EPS8: variants seen among roughly 807,000 people sequenced by gnomAD.
EPS8 encodes the protein EGFR pathway substrate 8, signaling adaptor, also known as epidermal growth factor receptor kinase substrate 8.
A neutral mutation model predicts 103.8 loss-of-function variants in EPS8; 42 were observed. The observed-to-expected ratio is 0.40, with a 90% CI of 0.32 to 0.52. EPS8 has a LOEUF of 0.52. Among genes scored for constraint, EPS8 ranks in the 20% least tolerant of loss-of-function variants. The pLI is 0.40. For synonymous variants in EPS8, 344 were observed against 344.6 expected (o/e 1.00, Z 0.02); for missense variants, 969 against 1,005.1 (o/e 0.96, Z 0.49).
chr12:15,694,920 A>C (rs1946223091), intron 1 of EPS8, among the ~76,000 whole-genome samples: 1 of 152,188 alleles, frequency 6.6e-6, no homozygotes, highest in African/African-American at 2.4e-5. Context: ...CATAACCATG[A>C]AATCACCCAC....
Position 15,767,989 on chromosome 12 carries a change from T to C in EPS8, c.-22+21172A>G, listed in dbSNP as rs184069413. On this transcript the variant is annotated intron_variant, in intron 1 of 20. Transcript: ENST00000281172. The surrounding 1 kb of genome is among the most constrained non-coding windows in gnomAD (Gnocchi z 5.5). ...TTACCTTAGAAACTGGAATTATGCT[T>C]TTCTTCCATTGCAGTTAAGAATTAA... is the stretch of plus-strand genomic sequence containing the variant. Among the ~76,000 whole-genome samples, 1 of 152,354 alleles carries C rather than the reference T, an allele frequency of 6.6e-6. No homozygotes were observed. The highest frequency in any genetic ancestry group is 1.9e-4 in the East Asian group (1 of 5,192).
chr12:15,672,443 C>T, intron 3 of EPS8: 1 of 398,424 alleles, frequency 2.5e-6, no homozygotes, highest in Non-Finnish European at 4.4e-6. Context: ...ACAAAATTCA[C>T]TCTGTGCTAC....
In EPS8 at chr12:15,764,237, C is replaced by T. The variant is rs192336530; in HGVS notation, c.-22+24924G>A. The stretch of plus-strand genomic sequence containing the variant: ...ATTCACTGTCACAAGAACAGCACCA[C>T]GGGAAAGACCCACCCCCATGATTCA... On this transcript the variant is annotated intron_variant, in intron 1 of 20. Transcript: ENST00000281172. This position sits in a 1 kb window ranked among gnomAD's most constrained non-coding sequence, Gnocchi z 4.1. 1.4e-4 allele frequency among the ~76,000 whole-genome samples: 21 copies of T among 152,288 alleles called. No homozygotes were observed. The highest frequency in any genetic ancestry group is 3.4e-3 in the Middle Eastern group (1 of 294).
Position 15,624,426 on chromosome 12 carries a change from T to C in EPS8, c.2045-19A>G. 1.3e-6 allele frequency: 2 copies of C among 1,523,982 alleles called. No homozygotes were observed. Among genetic ancestry groups the C allele is most frequent in the Non-Finnish European group, 1.8e-6 (2 of 1,134,410 alleles). The allele number at this position is 1,523,982 out of a possible 1,614,324, so 94.4% of individuals were successfully genotyped here. ...TTCCTTCCTAGACACCAACAGGGAG[T>C]AGGTTCTTTTTGAAAATCCCTAATA... On this transcript the variant is annotated intron_variant, in intron 18 of 20. Coordinates refer to ENST00000281172, the MANE Select transcript of EPS8 (RefSeq NM_004447.6).
chr12:15,681,158 G>T, intron 3 of EPS8, 68 bp downstream of exon 3: 1 of 752,654 alleles, frequency 1.3e-6, no homozygotes, highest in Non-Finnish European at 2.2e-6. Flanking sequence ...CAAACCATGA[G>T]TTTGAAAATG....
Position 15,752,002 on chromosome 12 carries a change from C to T in EPS8, c.-22+37159G>A, listed in dbSNP as rs1261527779. ...CTAAGGCCAAGGCAAAGTGCCAATA[C>T]AGGAAATCAGTGACTGGATTTGAGG... On this transcript the variant is annotated intron_variant, in intron 1 of 20. Transcript: ENST00000281172. This position sits in a 1 kb window ranked among gnomAD's most constrained non-coding sequence, Gnocchi z 4.4. Among the ~76,000 whole-genome samples the T allele has an allele frequency of 2.0e-5, 3 of 152,142 alleles. No homozygotes were observed. Among genetic ancestry groups the T allele is most frequent in the East Asian group, 1.9e-4 (1 of 5,200 alleles).
rs188021629 is a variant in EPS8 at position 15,738,819 on chromosome 12, T to C, written c.-22+50342A>G. On this transcript the variant is annotated intron_variant, in intron 1 of 20. Coordinates refer to ENST00000281172, the MANE Select transcript of EPS8 (RefSeq NM_004447.6). This position sits in a 1 kb window ranked among gnomAD's most constrained non-coding sequence, Gnocchi z 6.2. ...TTAATAAATGTTTGTTGAATCCACT[T>C]ACAAGCATACACCTTCACTCCAAGG... Among the ~76,000 whole-genome samples, 2 of 152,168 alleles carry C rather than the reference T, an allele frequency of 1.3e-5. No homozygotes were observed. The highest frequency in any genetic ancestry group is 4.8e-5 in the African/African-American group (2 of 41,440).
intron 3 of EPS8, among the ~76,000 whole-genome samples, chr12:15,677,771 T>C (rs1165600388): frequency 2.0e-5 from 3 of 152,150 alleles, no homozygotes; most frequent in African/African-American, 7.2e-5. Context: ...CCCACCACTG[T>C]CTCTCAACAC....
At chr12:15,635,559 C>T (rs1591806845) in intron 17 of EPS8, among the ~76,000 whole-genome samples, 1 of 152,286 alleles carries the variant, frequency 6.6e-6, no homozygotes, top group East Asian at 1.9e-4. Context: ...GCTTAAAAAA[C>T]AGAGCACTAA....
In EPS8 at chr12:15,702,673, A is replaced by G. The variant is rs1445238628; in HGVS notation, c.-21-19701T>C. ...ATGCCTAATATTTTTACCTATATCC[A>G]AAACACATATCCAATACAATATATA... On this transcript the variant is annotated intron_variant, in intron 1 of 20. Coordinates refer to ENST00000281172, the MANE Select transcript of EPS8 (RefSeq NM_004447.6). This position sits in a 1 kb window ranked among gnomAD's most constrained non-coding sequence, Gnocchi z 5.1. 2.0e-5 allele frequency among the ~76,000 whole-genome samples: 3 copies of G among 147,036 alleles called. No homozygotes were observed. Among genetic ancestry groups the G allele is most frequent in the Non-Finnish European group, 4.4e-5 (3 of 68,008 alleles).
Position 15,781,974 on chromosome 12 carries a change from T to C in EPS8, c.-22+7187A>G, listed in dbSNP as rs989173847. On this transcript the variant is annotated intron_variant, in intron 1 of 20. Transcript: ENST00000281172. This position sits in a 1 kb window ranked among gnomAD's most constrained non-coding sequence, Gnocchi z 4.1. ...ATGGATCAATCACTTCTTAAAGGCC[T>C]CACCTCTCAACACTCTCACATTGAG... is the stretch of plus-strand genomic sequence containing the variant. 2 of 152,194 alleles carry C rather than the reference T, an allele frequency of 1.3e-5. No homozygotes were observed. Among genetic ancestry groups the C allele is most frequent in the East Asian group, 1.9e-4 (1 of 5,190 alleles). The allele number at this position is 152,194 out of a possible 1,614,324, so 9.4% of individuals were successfully genotyped here. A position where few individuals can be genotyped will look rare whatever the true frequency, so the allele number is the denominator to read the frequency against.
At chr12:15,654,085 T>G in intron 13 of EPS8, 60 bp downstream of exon 13, 1 of 1,478,582 alleles carries the variant, frequency 6.8e-7, no homozygotes, top group South Asian at 1.2e-5. Flanking sequence ...AAATGTCTCA[T>G]TAGATCCATG....
chr12:15,683,255 A>T (rs1591852970), intron 1 of EPS8: 1 of 195,988 alleles, frequency 5.1e-6, no homozygotes, highest in East Asian at 1.2e-4. Flanking sequence ...GCATATAGAC[A>T]TAATTCTACA....
chr12:15,708,487 A>G (rs1946418103), intron 1 of EPS8, among the ~76,000 whole-genome samples: 1 of 152,182 alleles, frequency 6.6e-6, no homozygotes, highest in African/African-American at 2.4e-5. Flanking sequence ...ATTGGAGGGG[A>G]AATTATAATA....
At position 15,688,823 on chromosome 12, in the gene EPS8, G is replaced by T. The variant is rs372168782; in HGVS notation, c.-21-5851C>A. Among the ~76,000 whole-genome samples the T allele has an allele frequency of 7.6e-4, 116 of 152,298 alleles. 1 individual carries two copies. The highest frequency in any genetic ancestry group is 2.6e-3 in the African/African-American group (110 of 41,568). On this transcript the variant is annotated intron_variant, in intron 1 of 20. Coordinates refer to ENST00000281172, the MANE Select transcript of EPS8 (RefSeq NM_004447.6). The surrounding 1 kb of genome is among the most constrained non-coding windows in gnomAD (Gnocchi z 5.1). ...GAAAACCCCCTGTCCTTGCAATAAG[G>T]TAGAGGATCTAATTGAGCTGGTTAA...
At chr12:15,664,693 C>T (rs1945677301) in intron 8 of EPS8, among the ~76,000 whole-genome samples, 1 of 152,060 alleles carries the variant, frequency 6.6e-6, no homozygotes, top group Middle Eastern at 3.2e-3. Context: ...ACTATAGTGC[C>T]AGATACCCTG....
At chr12:15,626,720 C>A (rs896890257) in intron 18 of EPS8, among the ~76,000 whole-genome samples, 1 of 151,976 alleles carries the variant, frequency 6.6e-6, no homozygotes, top group East Asian at 1.9e-4. Flanking sequence ...CAGTAAAAGG[C>A]CCTACAAGAC....
intron 1 of EPS8, among the ~76,000 whole-genome samples, chr12:15,763,371 C>T (rs1413448777): frequency 6.6e-6 from 1 of 152,104 alleles, no homozygotes; most frequent in African/African-American, 2.4e-5. Flanking sequence ...TAAAAGATGG[C>T]ACATGTGGGT....
chr12:15,656,810 A>G (rs1217583541), intron 12 of EPS8, among the ~76,000 whole-genome samples: 1 of 152,120 alleles, frequency 6.6e-6, no homozygotes, highest in Non-Finnish European at 1.5e-5. Flanking sequence ...AGTCTTCCCC[A>G]TCTTAGTTAA....
Sources: allele counts gnomAD v4.1 joint callset (sites outside exome capture counted in the v4.1 genomes callset), GRCh38; gene constraint gnomAD v4.1.1; non-coding constraint Gnocchi (gnomAD v3.1); transcripts MANE v1.5; gene names NCBI Gene and HGNC (gene_info 2026-07-23, HGNC 2026-07-21).